Variants in WDFY4 observed in about 807,000 individuals in gnomAD.
WDFY4 encodes the protein WDFY family member 4.
Under a neutral mutation model 351.9 loss-of-function variants are expected in WDFY4, and 169 were observed. That is an observed-to-expected ratio of 0.48 (90% confidence interval 0.42 to 0.55). The LOEUF is 0.55. Ranked by LOEUF, WDFY4 falls within the 20% of genes least tolerant of loss-of-function variation. WDFY4 has a pLI of 0.00. For synonymous variants in WDFY4, 1,622 were observed against 1,574.6 expected (o/e 1.03, Z -0.71); for missense variants, 3,803 against 3,935.6 (o/e 0.97, Z 0.90).
chr10:48,925,556 T>G (rs1839501256), intron 47 of WDFY4, among the ~76,000 whole-genome samples: 1 of 152,182 alleles, frequency 6.6e-6, no homozygotes, highest in African/African-American at 2.4e-5. Context: ...AAACATAAAG[T>G]GTTTTCATTT....
intron 35 of WDFY4, chr10:48,823,819 T>C (rs2067909548): frequency 2.0e-6 from 2 of 988,332 alleles, no homozygotes; most frequent in African/African-American, 1.7e-5. Flanking sequence ...TTGCTTGCTG[T>C]CTGTGATGCC....
At chr10:48,837,429 T>C (rs2068441590) in intron 39 of WDFY4, among the ~76,000 whole-genome samples, 1 of 152,098 alleles carries the variant, frequency 6.6e-6, no homozygotes, top group African/African-American at 2.4e-5. Flanking sequence ...TCTGCTCCTA[T>C]AGGTGAGATT....
chr10:48,797,029 A>T (rs972213202), intron 24 of WDFY4, among the ~76,000 whole-genome samples: 2 of 152,302 alleles, frequency 1.3e-5, no homozygotes, highest in East Asian at 1.9e-4. Context: ...CCACAGCCAG[A>T]TGGGACTGGG....
chr10:48,774,235 C>T (rs376993557), intron 13 of WDFY4, among the ~76,000 whole-genome samples: 2 of 152,132 alleles, frequency 1.3e-5, no homozygotes, highest in Non-Finnish European at 2.9e-5. Context: ...CTGACCTGGG[C>T]AGCTTGTGTC....
chr10:48,807,016 C>T (rs1483924787), intron 27 of WDFY4, among the ~76,000 whole-genome samples: 1 of 152,116 alleles, frequency 6.6e-6, no homozygotes. Flanking sequence ...GATCAAGCCG[C>T]AAGAAATTAC....
chr10:48,973,274 A>G (rs928123705), intron 57 of WDFY4, among the ~76,000 whole-genome samples: 3 of 152,230 alleles, frequency 2.0e-5, no homozygotes, highest in African/African-American at 7.2e-5. Context: ...GAAGAGATTC[A>G]GAAGGTTCCT....
chr10:48,875,751 T>C (rs773857098), intron 42 of WDFY4, among the ~76,000 whole-genome samples: 6 of 152,220 alleles, frequency 3.9e-5, no homozygotes, highest in Non-Finnish European at 5.9e-5. Context: ...ACTTTTCTCA[T>C]TTCCTGACTA....
At chr10:48,969,425 C>T (rs542437615) in intron 56 of WDFY4, among the ~76,000 whole-genome samples, 177 bp downstream of exon 56, 13 of 152,310 alleles carry the variant, frequency 8.5e-5, no homozygotes, top group East Asian at 3.9e-4. Flanking sequence ...CTCCTTGGGC[C>T]GGGCCTCAAA....
chr10:48,838,523 G>A (rs533691295), intron 39 of WDFY4, among the ~76,000 whole-genome samples: 28 of 152,158 alleles, frequency 1.8e-4, no homozygotes, highest in African/African-American at 6.3e-4. Context: ...GGGAAATGAT[G>A]TTTTTGACTA....
In WDFY4 at chr10:48,966,830, T is replaced by G. The variant is rs1590011616; in HGVS notation, c.8584+157T>G. The stretch of plus-strand genomic sequence containing the variant: ...CAGTCACAGCCAGATTCTAGGGGGG[T>G]GTCATCTCTGGGAAGTGTCTAGGAG... On this transcript the variant is annotated intron_variant, in intron 55 of 61. Transcript: ENST00000325239. 9.5e-6 allele frequency: 10 copies of G among 1,055,404 alleles called. 1 individual carries two copies. Among genetic ancestry groups the G allele is most frequent in the Non-Finnish European group, 1.1e-5 (8 of 755,824 alleles). 65.4% of individuals were successfully genotyped at this position (1,055,404 alleles called of 1,614,324 possible).
At position 48,789,978 on chromosome 10, in the gene WDFY4, T is replaced by A. The variant is rs2066624512; in HGVS notation, c.4059T>A (p.Gly1353=). The change falls in exon 22 of 62, where the codon GGT becomes GGA. Residue 1353 remains glycine, a synonymous_variant. Coordinates refer to ENST00000325239, the MANE Select transcript of WDFY4 (RefSeq NM_001394531.1). The part of the protein sequence containing the change: ...SLRTIGAVAV[G]QLGVRVFHSS... ...GGACCATTGGAGCTGTTGCTGTGGGTCAATTAGGTATGTTCAACTGGGAAG... is the reference window on the plus strand; with the variant it reads ...GGACCATTGGAGCTGTTGCTGTGGGACAATTAGGTATGTTCAACTGGGAAG... 2 of 1,552,136 alleles carry A rather than the reference T, an allele frequency of 1.3e-6. No homozygotes were observed. Among genetic ancestry groups the A allele is most frequent in the Non-Finnish European group, 1.7e-6 (2 of 1,147,118 alleles).
intron 39 of WDFY4, among the ~76,000 whole-genome samples, chr10:48,856,684 G>T (rs1199268745): frequency 1.3e-5 from 2 of 152,162 alleles, no homozygotes; most frequent in African/African-American, 2.4e-5. Context: ...ACGTTAAAAT[G>T]TGTTGATCTA....
chr10:48,897,516 G>A lies in WDFY4; in HGVS notation c.7379G>A (p.Cys2460Tyr). The change falls in exon 45 of 62, where the codon TGC (cysteine) becomes TAC (tyrosine). Residue 2460 changes from cysteine to tyrosine, a missense_variant. By Grantham distance (194) the Cys-to-Tyr change is radical. Coordinates refer to ENST00000325239, the MANE Select transcript of WDFY4 (RefSeq NM_001394531.1). ...SKDRSTDHYS[C>Y]QCHSYADMRE... ...GACAGGTCCACTGACCATTACTCGT[G>A]CCAGTGCCACAGCTACGCTGACATG... 6.4e-7 allele frequency: 1 copy of A among 1,551,368 alleles called. No individual in the cohort carries two copies. The highest frequency in any genetic ancestry group is 8.7e-7 in the Non-Finnish European group (1 of 1,147,032).
At position 48,912,105 on chromosome 10, in the gene WDFY4, C is replaced by T. The variant is rs184980464; in HGVS notation, c.7586+10242C>T. ...CATTCTTGATCTTTTCTTTTACCCA[C>T]ATGAAGGTGTGAGAGTGTGGTACAC... On this transcript the variant is annotated intron_variant, in intron 47 of 61. Coordinates refer to ENST00000325239, the MANE Select transcript of WDFY4 (RefSeq NM_001394531.1). 7.9e-4 allele frequency among the ~76,000 whole-genome samples: 120 copies of T among 152,348 alleles called. 1 individual carries two copies. In the East Asian group the frequency reaches 0.017, roughly 21 times the overall value.
chr10:48,777,186 T>A (rs1052616050), intron 16 of WDFY4, among the ~76,000 whole-genome samples: 2 of 152,206 alleles, frequency 1.3e-5, no homozygotes, highest in Admixed American at 6.5e-5. Context: ...GACCCTCTTT[T>A]CCCTGGTGTG....
chr10:48,798,391 A>T (rs1374599096), intron 24 of WDFY4, among the ~76,000 whole-genome samples: 1 of 152,152 alleles, frequency 6.6e-6, no homozygotes, highest in Non-Finnish European at 1.5e-5. Flanking sequence ...GTCTGTTAAG[A>T]TTGGCCAAGA....
rs78314468 is a variant in WDFY4, at chr10:48,817,319, C to T, written c.5415C>T (p.Val1805=). 2.2e-3 allele frequency: 3,384 copies of T among 1,551,692 alleles called. 53 individuals are homozygous for T. In the African/African-American group the frequency reaches 0.04, roughly 18 times the overall value. ...PASVLQFLSL[V]HRTYPQDPAW... ...GCGTGCTGCAGTTCCTCAGCCTCGT[C>T]CACCGCACCTACCCCCAGGACCCAG... Residue 1805 remains valine, a synonymous_variant, in exon 32 of 62, where the codon GTC becomes GTT. Transcript: ENST00000325239.
chr10:48,844,939 G>A (rs1387280481), intron 39 of WDFY4, among the ~76,000 whole-genome samples: 1 of 152,216 alleles, frequency 6.6e-6, no homozygotes, highest in Non-Finnish European at 1.5e-5. Flanking sequence ...GACTTACCTT[G>A]TGATGGCTGT....
Position 48,822,399 on chromosome 10 carries a change from A to G in WDFY4, c.5844A>G (p.Pro1948=). 6.5e-7 allele frequency: 1 copy of G among 1,548,526 alleles called. No individual in the cohort carries two copies. The highest frequency in any genetic ancestry group is 8.7e-7 in the Non-Finnish European group (1 of 1,145,294). Residue 1948 remains proline, a synonymous_variant, in exon 35 of 62, where the codon CCA becomes CCG. Transcript: ENST00000325239. ...AMFRDGKEPQ[P]SAEAAAAPSL... Reference sequence around the variant, plus strand: ...CCACAGACGGCAAAGAGCCTCAGCCAAGTGCAGAAGCTGCTGCTGCCCCTT... The same window carrying G: ...CCACAGACGGCAAAGAGCCTCAGCCGAGTGCAGAAGCTGCTGCTGCCCCTT...
Sources: gnomAD v4.1 joint callset for allele counts (sites outside exome capture counted in the v4.1 genomes callset) on GRCh38, gnomAD v4.1.1 for gene constraint, MANE v1.5 for transcripts, NCBI Gene and HGNC (gene_info 2026-07-23, HGNC 2026-07-21) for gene names.